Variants in AKR1E2 observed in about 807,000 individuals in gnomAD.
The protein encoded by AKR1E2 is 1,5-anhydro-D-fructose reductase.
Under a neutral mutation model 41.9 loss-of-function variants are expected in AKR1E2, and 43 were observed. The observed-to-expected ratio is 1.03, with a 90% CI of 0.80 to 1.32. The LOEUF (loss-of-function observed/expected upper bound fraction) is 1.32, where lower values mean the gene tolerates loss of function less well. Ranked by LOEUF, AKR1E2 falls within the 40% of genes most tolerant of loss-of-function variation. AKR1E2 has a pLI of 0.00. For synonymous variants in AKR1E2, 121 were observed against 138.9 expected, an observed-to-expected ratio of 0.87 and a Z score of 0.91; for missense variants, 423 against 396.5, an observed-to-expected ratio of 1.07 and a Z score of -0.57.
At chr10:4,843,889 G>C (rs1395125503) in intron 8 of AKR1E2, among the ~76,000 whole-genome samples, 1 of 152,206 alleles carries the variant, frequency 6.6e-6, no homozygotes, top group Non-Finnish European at 1.5e-5. Flanking sequence ...TGGGTGACCA[G>C]CCAACCTTAA....
chr10:4,837,190 TC>T (rs1234325925), intron 4 of AKR1E2, among the ~76,000 whole-genome samples: 1 of 151,902 alleles, frequency 6.6e-6, no homozygotes, highest in Non-Finnish European at 1.5e-5. Context: ...CCCCTAAACA[TC>T]CCCGTGGCAC....
intron 1 of AKR1E2, among the ~76,000 whole-genome samples, chr10:4,827,185 C>G (rs1468043264): frequency 6.6e-6 from 1 of 152,044 alleles, no homozygotes; most frequent in African/African-American, 2.4e-5. Flanking sequence ...TGCCCTGATG[C>G]CTGAGACATA....
At chr10:4,846,182 A>G (rs2131573815) in intron 8 of AKR1E2, 1 of 254,390 alleles carries the variant, frequency 3.9e-6, no homozygotes, top group Non-Finnish European at 7.9e-6. Context: ...TCCTGCCCTC[A>G]GGAGGGGAAG....
Position 4,830,682 on chromosome 10 carries a change from C to T in AKR1E2, c.47C>T (p.Pro16Leu), listed in dbSNP as rs1832898992. 2.5e-6 allele frequency: 4 copies of T among 1,613,926 alleles called. No homozygotes were observed. The highest frequency in any genetic ancestry group is 3.4e-6 in the Non-Finnish European group (4 of 1,179,898). Residue 16 changes from proline to leucine, a missense_variant, in exon 2 of 10, where the codon CCA becomes CTA. Transcript: ENST00000298375. ...GTTTTGTTGGTTTTGCAGGCTTCTCCAGGGAAAGTGACCGAGGCAGTGAAA... is the reference window on the plus strand; with the variant it reads ...GTTTTGTTGGTTTTGCAGGCTTCTCTAGGGAAAGTGACCGAGGCAGTGAAA... ...AVGLSSWKAS[P>L]GKVTEAVKEA...
Position 4,845,470 on chromosome 10 carries a change from GT to G in AKR1E2, c.838-1677del, listed in dbSNP as rs1834263486. On this transcript the variant is annotated intron_variant, in intron 8 of 9. Transcript: ENST00000298375. The stretch of plus-strand genomic sequence containing the variant: ...GGGTTGTGAGGGCTGCCAGCATGCT[GT>G]CACCCCTCAATGGGGGCTGCCAGCA... Among the ~76,000 whole-genome samples, 3 of 25,922 alleles carry G rather than the reference GT, an allele frequency of 1.2e-4. No homozygotes were observed. The Admixed American group carries it at 2.2e-3, about 19-fold the overall frequency. 17.0% of individuals were successfully genotyped at this position (25,922 alleles called of 152,430 possible).
the AKR1E2 span, among the ~76,000 whole-genome samples, chr10:4,869,723 T>G: frequency 6.6e-6 from 1 of 152,086 alleles, no homozygotes; most frequent in Non-Finnish European, 1.5e-5. Context: ...TTCAGTTCAA[T>G]GTACTTTTTT....
the AKR1E2 span, among the ~76,000 whole-genome samples, chr10:4,854,793 C>T: frequency 1.3e-5 from 2 of 152,004 alleles, no homozygotes; most frequent in Non-Finnish European, 2.9e-5. Flanking sequence ...GGTTAGAGGC[C>T]CCTCTTCATA....
the AKR1E2 span, among the ~76,000 whole-genome samples, chr10:4,863,485 C>T: frequency 3.3e-5 from 5 of 151,984 alleles, no homozygotes; most frequent in Non-Finnish European, 7.4e-5. Flanking sequence ...ATTTATAGCA[C>T]TAAATGCCCA....
the AKR1E2 span, among the ~76,000 whole-genome samples, chr10:4,865,249 C>A: frequency 1.3e-5 from 2 of 152,182 alleles, no homozygotes; most frequent in Admixed American, 6.5e-5. Flanking sequence ...TCTTTTAAAT[C>A]ATTAAGAAAA....
intron 4 of AKR1E2, 36 bp downstream of exon 4, chr10:4,835,845 G>A: frequency 6.2e-7 from 1 of 1,610,054 alleles, no homozygotes; most frequent in Non-Finnish European, 8.5e-7. Flanking sequence ...GCCTCATCCT[G>A]TGTGGGTCTC....
At chr10:4,825,036 C>A (rs1190364261), upstream of AKR1E2, 5 of 455,586 alleles carry the variant, frequency 1.1e-5, no homozygotes, top group Non-Finnish European at 2.2e-5. Context: ...GCCCCGTGCA[C>A]AGGTGAGTGC....
intron 3 of AKR1E2, 141 bp from the exon 4 acceptor site, chr10:4,835,534 G>C: frequency 1.9e-6 from 2 of 1,053,882 alleles, no homozygotes; most frequent in Non-Finnish European, 2.6e-6. Flanking sequence ...TCTTAGAAAG[G>C]TGAAGACTGG....
At chr10:4,870,315 A>G in the AKR1E2 span, among the ~76,000 whole-genome samples, 3 of 152,100 alleles carry the variant, frequency 2.0e-5, no homozygotes, top group African/African-American at 7.2e-5. Context: ...ATTGCCAAAC[A>G]TCATTTAGAA....
the AKR1E2 span, among the ~76,000 whole-genome samples, chr10:4,862,079 C>A: frequency 6.6e-6 from 1 of 152,190 alleles, no homozygotes; most frequent in Non-Finnish European, 1.5e-5. Context: ...ACATTTAAGT[C>A]TTTAATCCAT....
downstream of AKR1E2, among the ~76,000 whole-genome samples, chr10:4,849,761 C>T (rs1203892960): frequency 6.6e-6 from 1 of 152,186 alleles, no homozygotes; most frequent in African/African-American, 2.4e-5. Context: ...CAATGAGGAT[C>T]CACTACGTTA....
chr10:4,847,478 T>C lies in AKR1E2; in HGVS notation c.921-10T>C, dbSNP rs372633776. 1.3e-4 allele frequency: 216 copies of C among 1,611,134 alleles called. No individual in the cohort carries two copies. The highest frequency in any genetic ancestry group is 1.7e-4 in the Non-Finnish European group (202 of 1,179,002). On this transcript the variant is annotated splice_polypyrimidine_tract_variant and intron_variant, in intron 9 of 9. Coordinates refer to ENST00000298375, the MANE Select transcript of AKR1E2 (RefSeq NM_001040177.3). ...TGTTCCTATTTTTGATTTGTTTTTCTGTTTTTCAGAACTAAAAATCACAAA... is the reference window on the plus strand; with the variant it reads ...TGTTCCTATTTTTGATTTGTTTTTCCGTTTTTCAGAACTAAAAATCACAAA...
the AKR1E2 span, among the ~76,000 whole-genome samples, chr10:4,873,169 C>T: frequency 1.4e-3 from 208 of 152,286 alleles, 2 homozygotes; most frequent in African/African-American, 4.8e-3. Context: ...GTGAATGAGT[C>T]TCACGAGATC....
At position 4,826,307 on chromosome 10, in the gene AKR1E2, G is replaced by GGGCGGCC. The variant is rs1461175985; in HGVS notation, c.-11_-5dup. 2.4e-6 allele frequency: 3 copies of GGGCGGCC among 1,233,132 alleles called. No homozygotes were observed. The highest frequency in any genetic ancestry group is 3.2e-5 in the East Asian group (1 of 31,644). The allele number at this position is 1,233,132 out of a possible 1,614,324, so 76.4% of individuals were successfully genotyped here. On this transcript the variant is annotated 5_prime_UTR_variant, in exon 1 of 10. Coordinates refer to ENST00000298375, the MANE Select transcript of AKR1E2 (RefSeq NM_001040177.3). ...TCGCGTGCGGGGCGGCGGGGCGGCG[G>GGGCGGCC]GGCGGCCGGCGGCGGCCATGGGAGA... is the stretch of plus-strand genomic sequence containing the variant.
the AKR1E2 span, among the ~76,000 whole-genome samples, chr10:4,864,072 A>G: frequency 1.1e-4 from 16 of 152,222 alleles, no homozygotes; most frequent in African/African-American, 3.6e-4. Flanking sequence ...AACTATTCCA[A>G]TCAATAGAAA....
Sources: allele counts gnomAD v4.1 joint callset (sites outside exome capture counted in the v4.1 genomes callset), GRCh38; gene constraint gnomAD v4.1.1; transcripts MANE v1.5; gene names NCBI Gene and HGNC (gene_info 2026-07-23, HGNC 2026-07-21).